Variants in SECISBP2 observed in about 807,000 individuals in gnomAD.
SECISBP2 encodes SECIS binding protein 2.
A neutral mutation model predicts 98.2 loss-of-function variants in SECISBP2; 96 were observed. The observed-to-expected ratio is 0.98, with a 90% CI of 0.83 to 1.16. SECISBP2 has a LOEUF of 1.16. Among genes scored for constraint, SECISBP2 ranks in the 50% most tolerant of loss-of-function variants. SECISBP2 has a pLI of 0.00. For missense variants in SECISBP2, 1,046 were observed against 1,022.9 expected, an observed-to-expected ratio of 1.02 and a Z score of -0.31; for synonymous variants, 407 against 370.2, an observed-to-expected ratio of 1.10 and a Z score of -1.14.
chr9:89,364,126 AGCCTTG>A (rs946542472), downstream of SECISBP2: 108 of 1,375,774 alleles, frequency 7.9e-5, no homozygotes, highest in African/African-American at 1.4e-3. Flanking sequence ...GGCCAGCGGG[AGCCTTG>A]GCCTTGGCCC....
At chr9:89,319,037 C>G in intron 1 of SECISBP2, 2 of 1,016,668 alleles carry the variant, frequency 2.0e-6, no homozygotes, top group Non-Finnish European at 2.4e-6. Context: ...TCGCTTGCAT[C>G]ATTTTTAGAC....
At chr9:89,356,359 C>T (rs947782081) in intron 14 of SECISBP2, among the ~76,000 whole-genome samples, 1 of 152,150 alleles carries the variant, frequency 6.6e-6, no homozygotes, top group South Asian at 2.1e-4. Context: ...GATTGGGGAC[C>T]GCTGTTTTAA....
chr9:89,366,302 T>G, the SECISBP2 span, among the ~76,000 whole-genome samples: 1 of 152,216 alleles, frequency 6.6e-6, no homozygotes, highest in Non-Finnish European at 1.5e-5. Flanking sequence ...TGTTTAAATT[T>G]TTTCTTTATA....
downstream of SECISBP2, among the ~76,000 whole-genome samples, chr9:89,359,994 G>A (rs140806798): frequency 3.9e-5 from 6 of 152,236 alleles, no homozygotes; most frequent in East Asian, 1.9e-4. Context: ...CTTGAGAAGC[G>A]GCCTGTGATG....
downstream of SECISBP2, chr9:89,361,264 G>A (rs1272736412): frequency 2.0e-5 from 3 of 152,190 alleles, no homozygotes; most frequent in African/African-American, 7.2e-5. Flanking sequence ...GAAGGAATTA[G>A]CAGGCGATGT....
rs75585743 is a variant in SECISBP2 at position 89,334,393 on chromosome 9, A to T, written c.881-129A>T. ...AGTGACTACTATAGTTTCCAAGAGG[A>T]TGTTTTAAATGATAGCCTACATTTA... is the stretch of plus-strand genomic sequence containing the variant. On this transcript the variant is annotated intron_variant, in intron 6 of 16. Transcript: ENST00000375807. The T allele has an allele frequency of 3.0e-3, 2,621 of 882,572 alleles. 4 individuals are homozygous for T. Among genetic ancestry groups the T allele is most frequent in the Non-Finnish European group, 4.1e-3 (2,258 of 550,486 alleles). The allele number at this position is 882,572 out of a possible 1,614,324, so 54.7% of individuals were successfully genotyped here. A position where few individuals can be genotyped will look rare whatever the true frequency, so the allele number is the denominator to read the frequency against.
intron 6 of SECISBP2, 144 bp from the exon 7 acceptor site, chr9:89,334,378 A>G (rs935024054): frequency 4.1e-5 from 35 of 849,104 alleles, no homozygotes; most frequent in Middle Eastern, 3.3e-4. Context: ...AGTGACTACT[A>G]TAGTTTCCAA....
At chr9:89,358,634 C>G in intron 16 of SECISBP2, 87 bp from the exon 17 acceptor site, 23 of 857,810 alleles carry the variant, frequency 2.7e-5, no homozygotes, top group Non-Finnish European at 4.3e-5. Context: ...TGGCCACAGG[C>G]TCCCTCTCTC....
chr9:89,355,184 A>T (rs1831881405), intron 14 of SECISBP2: 1 of 985,306 alleles, frequency 1.0e-6, no homozygotes, highest in South Asian at 4.7e-5. Flanking sequence ...TTGAAATGAG[A>T]GGATCGATAT....
chr9:89,341,662 A>G (rs1273560400), intron 10 of SECISBP2, among the ~76,000 whole-genome samples, 183 bp downstream of exon 10: 1 of 152,248 alleles, frequency 6.6e-6, no homozygotes, highest in Non-Finnish European at 1.5e-5. Flanking sequence ...TGGATCTGTG[A>G]CCAATTGATT....
At chr9:89,351,211 A>G (rs1831234084) in intron 14 of SECISBP2, among the ~76,000 whole-genome samples, 1 of 151,880 alleles carries the variant, frequency 6.6e-6, no homozygotes, top group Admixed American at 6.6e-5. Flanking sequence ...GGCAGTACCT[A>G]CCTAGGGCTT....
chr9:89,349,951 A>G, intron 13 of SECISBP2, 22 bp downstream of exon 13: 1 of 1,613,892 alleles, frequency 6.2e-7, no homozygotes, highest in Non-Finnish European at 8.5e-7. Flanking sequence ...CCTGCCTGCC[A>G]GGGACTAGGG....
In SECISBP2 at chr9:89,352,985, A is replaced by G. The variant is rs554227969; in HGVS notation, c.2113+2133A>G. On this transcript the variant is annotated intron_variant, in intron 14 of 16. Transcript: ENST00000375807. ...TGGCCTCTCATGGTGGAGGTTTTCC[A>G]CAGATGTCCTCTGTGTCCTAGTTGT... Among the ~76,000 whole-genome samples the G allele has an allele frequency of 1.3e-4, 19 of 150,542 alleles. No homozygotes were observed. The East Asian group carries it at 3.7e-3, about 29-fold the overall frequency.
chr9:89,334,659 C>T lies in SECISBP2; in HGVS notation c.1018C>T (p.Pro340Ser). The change falls in exon 7 of 17, where the codon CCA becomes TCA. Residue 340 changes from proline (P) to serine (S), a missense_variant. Physicochemically the swap from Pro to Ser is moderately conservative, Grantham distance 74 (BLOSUM62 -1). Coordinates refer to ENST00000375807, the MANE Select transcript of SECISBP2 (RefSeq NM_024077.5). ...AGCAGATCCTAAAAATGTTAGTATA[C>T]CATCTTCTGAAGCTTTATCTTCGGA... ...SSADPKNVSI[P>S]SSEALSSDPS... The T allele has an allele frequency of 6.2e-7, 1 of 1,613,868 alleles. No individual in the cohort carries two copies. Among genetic ancestry groups the T allele is most frequent in the African/African-American group, 1.3e-5 (1 of 75,046 alleles).
chr9:89,364,756 T>G, the SECISBP2 span: 1 of 152,680 alleles, frequency 6.5e-6, no homozygotes, highest in Non-Finnish European at 1.5e-5. Flanking sequence ...TGGCCTCAGC[T>G]TGTCTGATGG....
At chr9:89,328,269 G>A (rs1419584897) in intron 4 of SECISBP2, among the ~76,000 whole-genome samples, 1 of 152,134 alleles carries the variant, frequency 6.6e-6, no homozygotes, top group Non-Finnish European at 1.5e-5. Context: ...GTTTACACTG[G>A]CATCACCACA....
chr9:89,337,367 A>G (rs1401566406), intron 7 of SECISBP2, among the ~76,000 whole-genome samples: 3 of 152,164 alleles, frequency 2.0e-5, no homozygotes, highest in Non-Finnish European at 2.9e-5. Context: ...GTGAAATTTT[A>G]TTACAGAAAT....
At chr9:89,338,888 T>C (rs1255154616) in intron 8 of SECISBP2, among the ~76,000 whole-genome samples, 1 of 146,824 alleles carries the variant, frequency 6.8e-6, no homozygotes. Context: ...CTTTACCTGT[T>C]TTTTTTTTTT....
At chr9:89,342,011 C>A (rs1829725303) in intron 10 of SECISBP2, among the ~76,000 whole-genome samples, 1 of 152,162 alleles carries the variant, frequency 6.6e-6, no homozygotes, top group African/African-American at 2.4e-5. Context: ...GGAAAGACAT[C>A]TTACAGAATG....
Sources: gnomAD v4.1 joint callset for allele counts (sites outside exome capture counted in the v4.1 genomes callset) on GRCh38, gnomAD v4.1.1 for gene constraint, MANE v1.5 for transcripts, NCBI Gene and HGNC (gene_info 2026-07-23, HGNC 2026-07-21) for gene names.